The following SNRPN variants were observed in gnomAD, a reference collection of about 807,000 sequenced individuals.
SNRPN encodes small nuclear ribonucleoprotein polypeptide N.
SNRPN carries 7 observed loss-of-function variants against 25.2 expected under a neutral mutation model. That is an observed-to-expected ratio of 0.28 (90% CI 0.16 to 0.52). The LOEUF (loss-of-function observed/expected upper bound fraction) is 0.52. SNRPN is among the 20% of genes least tolerant of loss of function. The pLI, the probability that SNRPN is intolerant of heterozygous loss-of-function variation, is 0.96. For synonymous variants in SNRPN, 124 were observed against 110.6 expected (o/e 1.12, Z -0.76); for missense variants, 196 against 322.5 (o/e 0.61, Z 3.00).
At chr15:24,825,329 G>A (rs2050007141) in intron 1 of SNRPN, among the ~76,000 whole-genome samples, 5 of 151,856 alleles carry the variant, frequency 3.3e-5, no homozygotes, top group Admixed American at 3.3e-4. Context: ...AAACTAGATA[G>A]ATAATGGTAT....
chr15:24,936,083 C>T (rs2061220481), intron 3 of SNRPN, among the ~76,000 whole-genome samples: 1 of 152,048 alleles, frequency 6.6e-6, no homozygotes, highest in Admixed American at 6.6e-5. Context: ...CCACTGCACT[C>T]CCGCCTGGGC....
chr15:24,909,580 G>A (rs1165974015), intron 2 of SNRPN: 6 of 1,306,400 alleles, frequency 4.6e-6, no homozygotes, highest in Admixed American at 3.4e-5. Flanking sequence ...TTGGCAGTTC[G>A]TGTGCATATG....
chr15:24,921,926 C>T (rs1039730162), intron 3 of SNRPN, among the ~76,000 whole-genome samples: 3 of 151,574 alleles, frequency 2.0e-5, no homozygotes, highest in Non-Finnish European at 4.4e-5. Flanking sequence ...AGACCGGGCA[C>T]GGTGGCTCAC....
At chr15:24,893,826 A>G (rs1462304114) in intron 2 of SNRPN, among the ~76,000 whole-genome samples, 1 of 152,052 alleles carries the variant, frequency 6.6e-6, no homozygotes, top group Non-Finnish European at 1.5e-5. Context: ...AGTCCTTGTT[A>G]TGACATCATT....
chr15:24,836,846 A>G (rs911221540), intron 2 of SNRPN, among the ~76,000 whole-genome samples: 2 of 152,154 alleles, frequency 1.3e-5, no homozygotes. Flanking sequence ...GGTATGATCT[A>G]ATGGTAATAA....
chr15:24,880,773 T>G (rs757777914), intron 1 of SNRPN, among the ~76,000 whole-genome samples: 5 of 151,984 alleles, frequency 3.3e-5, no homozygotes, highest in Admixed American at 6.6e-5. Context: ...AGACAGAGTC[T>G]TGCTCTGTTG....
Position 24,975,642 on chromosome 15 carries a change from C to G in SNRPN, c.155+133C>G, listed in dbSNP as rs192024950. On this transcript the variant is annotated intron_variant, in intron 5 of 9. Coordinates refer to ENST00000390687, the MANE Select transcript of SNRPN (RefSeq NM_003097.6). ...ATGGTAGAGCCAGTCTATTGTTTAA[C>G]CTCTTGACCTGATCTCTGAATTAGG... The G allele has an allele frequency of 7.0e-4, 490 of 695,314 alleles. 3 individuals carry two copies. In the African/African-American group the frequency reaches 7.9e-3, roughly 11 times the overall value. 43.1% of individuals were successfully genotyped at this position (695,314 alleles called of 1,614,324 possible). A position where few individuals can be genotyped will look rare whatever the true frequency, so the allele number is the denominator to read the frequency against.
chr15:24,881,815 G>T (rs2056714459), intron 1 of SNRPN, among the ~76,000 whole-genome samples: 1 of 152,104 alleles, frequency 6.6e-6, no homozygotes, highest in African/African-American at 2.4e-5. Context: ...GCTTTATTTG[G>T]TGTATCAGTT....
At chr15:24,841,182 A>G (rs189949325) in intron 2 of SNRPN, among the ~76,000 whole-genome samples, 1 of 152,236 alleles carries the variant, frequency 6.6e-6, no homozygotes, top group Admixed American at 6.5e-5. Flanking sequence ...CAGAATTAAT[A>G]AAATAGTGTC....
chr15:24,977,302 C>G (rs1324053393), intron 7 of SNRPN, among the ~76,000 whole-genome samples: 1 of 152,040 alleles, frequency 6.6e-6, no homozygotes, highest in Non-Finnish European at 1.5e-5. Context: ...GTTGAAAAGA[C>G]CAAAGGGCTT....
intron 1 of SNRPN, among the ~76,000 whole-genome samples, chr15:24,867,388 T>G (rs532901830): frequency 1.4e-3 from 206 of 147,432 alleles, no homozygotes; most frequent in East Asian, 0.011. Context: ...TTTTTTTTTT[T>G]GGGGGGGACG....
intron 2 of SNRPN, among the ~76,000 whole-genome samples, chr15:24,895,788 TTAGCCTTCC>T (rs2058050191): frequency 6.6e-6 from 1 of 152,184 alleles, no homozygotes; most frequent in Non-Finnish European, 1.5e-5. Flanking sequence ...ACATCTACTC[TTAGCCTTCC>T]TGAATATCCT....
chr15:24,898,879 C>T (rs1040224271), intron 2 of SNRPN, among the ~76,000 whole-genome samples: 2 of 152,128 alleles, frequency 1.3e-5, no homozygotes, highest in African/African-American at 4.8e-5. Context: ...GCGAAGGCCC[C>T]AAGCTCTGGG....
rs114895059 is a variant in SNRPN, at chr15:24,924,015, T to A, written c.-391+3891T>A. 7.8e-3 allele frequency among the ~76,000 whole-genome samples: 1,146 copies of A among 147,048 alleles called. 15 individuals carry two copies. The highest frequency in any genetic ancestry group is 0.026 in the African/African-American group (1,034 of 39,666). On this transcript the variant is annotated intron_variant, in intron 3 of 11. Coordinates refer to the SNRPN transcript ENST00000400097. Reference sequence around the variant, plus strand: ...TTTTTGTAGTTTAGTAGAAATGAGGTTTCAGCATGTAGCTCTGGCTGATCT... The same window carrying A: ...TTTTTGTAGTTTAGTAGAAATGAGGATTCAGCATGTAGCTCTGGCTGATCT...
rs963220051 is a variant in SNRPN, at chr15:24,968,080, C to G, written c.-146C>G. ...GAGGAATCTGATTCCAAGCAAAAAC[C>G]AGGTTAGAGCTAATGCAGCAATGAT... On this transcript the variant is annotated splice_region_variant and 5_prime_UTR_variant, in exon 3 of 10. Transcript: ENST00000390687. The G allele has an allele frequency of 2.0e-6, 3 of 1,514,802 alleles. No individual in the cohort carries two copies. In the African/African-American group the frequency reaches 4.1e-5, roughly 21 times the overall value. The allele number at this position is 1,514,802 out of a possible 1,614,324, so 93.8% of individuals were successfully genotyped here.
chr15:24,919,216 T>C (rs958442537), intron 2 of SNRPN, among the ~76,000 whole-genome samples: 1 of 151,292 alleles, frequency 6.6e-6, no homozygotes, highest in Non-Finnish European at 1.5e-5. Context: ...GATCACGAGG[T>C]CAGGAGATTA....
chr15:24,901,037 A>G (rs2058413116), intron 2 of SNRPN, among the ~76,000 whole-genome samples: 1 of 152,202 alleles, frequency 6.6e-6, no homozygotes. Context: ...TTGAGGGTGC[A>G]GTGAGCTGTG....
At chr15:24,866,493 G>C (rs1179452622) in intron 1 of SNRPN, among the ~76,000 whole-genome samples, 1 of 152,092 alleles carries the variant, frequency 6.6e-6, no homozygotes, top group East Asian at 1.9e-4. Flanking sequence ...GACCTCCTGA[G>C]CTCAAGCAAT....
intron 1 of SNRPN, among the ~76,000 whole-genome samples, chr15:24,955,443 T>TG (rs1445486918): frequency 4.6e-5 from 7 of 151,380 alleles, no homozygotes; most frequent in South Asian, 2.1e-4. Context: ...CGAGGGTACG[T>TG]GGGGGGACCA....
Sources: gnomAD v4.1 joint callset for allele counts (sites outside exome capture counted in the v4.1 genomes callset) on GRCh38, gnomAD v4.1.1 for gene constraint, MANE v1.5 for transcripts, NCBI Gene and HGNC (gene_info 2026-07-23, HGNC 2026-07-21) for gene names.